The following ANKRD26 variants were observed in gnomAD, a reference collection of about 807,000 sequenced individuals.
ANKRD26 encodes the protein ankyrin repeat domain 26.
In ANKRD26, 141 loss-of-function variants were observed where a neutral mutation model predicts 208.7. The observed-to-expected ratio is 0.68, with a 90% CI of 0.59 to 0.78. The LOEUF (loss-of-function observed/expected upper bound fraction) is 0.78, where lower values mean the gene tolerates loss of function less well. Among genes scored for constraint, ANKRD26 ranks in the 30% least tolerant of loss-of-function variants. The pLI is 0.00. For synonymous variants in ANKRD26, 636 were observed against 660.4 expected (o/e 0.96, Z 0.57); for missense variants, 1,889 against 1,938.7 (o/e 0.97, Z 0.48).
intron 3 of ANKRD26, among the ~76,000 whole-genome samples, chr10:26,986,074 A>C (rs911083940): frequency 6.6e-6 from 1 of 152,200 alleles, no homozygotes; most frequent in African/African-American, 2.4e-5. Context: ...CTGGTACCAA[A>C]ACAGAGATAT....
intron 29 of ANKRD26, among the ~76,000 whole-genome samples, chr10:27,021,359 C>T (rs1467263777): frequency 6.6e-6 from 1 of 152,196 alleles, no homozygotes; most frequent in Non-Finnish European, 1.5e-5. Context: ...TCTGAAGAAA[C>T]TCCACATTGT....
chr10:26,995,195 T>C (rs1362816985), intron 4 of ANKRD26: 1 of 470,906 alleles, frequency 2.1e-6, no homozygotes, highest in East Asian at 6.9e-5. Flanking sequence ...GATATGATAA[T>C]ATTTGGAGAT....
chr10:26,996,503 C>T (rs185142702), intron 4 of ANKRD26, among the ~76,000 whole-genome samples: 7 of 152,236 alleles, frequency 4.6e-5, no homozygotes, highest in East Asian at 1.9e-4. Flanking sequence ...GAGGTTGCAG[C>T]GAGCTGAGAT....
chr10:27,013,022 G>T lies in ANKRD26; in HGVS notation c.4813C>A (p.Pro1605Thr). ...CCCACACAAGGTGGCTCCATGACTGGCCTGGTAGTGAGAGTGGTGAACAAA... is the reference window on the plus strand; with the variant it reads ...CCCACACAAGGTGGCTCCATGACTGTCCTGGTAGTGAGAGTGGTGAACAAA... Reference protein sequence around the residue: ...RSLFTTLTTRPVMEPPCVGNL... With the variant: ...RSLFTTLTTRTVMEPPCVGNL... Residue 1605 changes from proline (P) to threonine (T), a missense_variant, in exon 32 of 34, where the codon CCA (proline) becomes ACA (threonine). Physicochemically the swap from Pro to Thr is conservative, Grantham distance 38 (BLOSUM62 -1). Coordinates refer to ENST00000376087, the MANE Select transcript of ANKRD26 (RefSeq NM_014915.3). The T allele has an allele frequency of 6.2e-7, 1 of 1,614,062 alleles. No homozygotes were observed. Among genetic ancestry groups the T allele is most frequent in the Non-Finnish European group, 8.5e-7 (1 of 1,179,976 alleles).
intron 32 of ANKRD26, among the ~76,000 whole-genome samples, chr10:27,011,116 CT>C (rs999462111): frequency 4.6e-5 from 7 of 152,156 alleles, no homozygotes; most frequent in South Asian, 2.1e-4. Context: ...TGAGTCTACA[CT>C]TTTTTTCTCT....
chr10:26,961,906 G>T, the ANKRD26 span, among the ~76,000 whole-genome samples: 1 of 152,260 alleles, frequency 6.6e-6, no homozygotes, highest in Non-Finnish European at 1.5e-5. Flanking sequence ...GTGAAGAATT[G>T]CCAATATATA....
At chr10:27,056,325 C>T (rs181614989) in intron 15 of ANKRD26, among the ~76,000 whole-genome samples, 108 of 151,982 alleles carry the variant, frequency 7.1e-4, no homozygotes, top group African/African-American at 2.5e-3. Context: ...TTACAGGCGC[C>T]CGCCACCACA....
In ANKRD26 at chr10:27,004,961, T is replaced by A. The variant is rs932122092; in HGVS notation, c.*629A>T. ...TGCCCACTAAAGTAATCAGGGGTGA[T>A]GACATAATGTCAGCAATTTACTCTC... On this transcript the variant is annotated 3_prime_UTR_variant, in exon 34 of 34. Transcript: ENST00000376087. 2 of 844,930 alleles carry A rather than the reference T, an allele frequency of 2.4e-6. No homozygotes were observed. The highest frequency in any genetic ancestry group is 6.2e-5 in the Admixed American group (1 of 16,090). The allele number at this position is 844,930 out of a possible 1,614,324, so 52.3% of individuals were successfully genotyped here.
intron 4 of ANKRD26, among the ~76,000 whole-genome samples, chr10:26,995,895 C>T (rs559936736): frequency 3.3e-5 from 5 of 152,268 alleles, no homozygotes; most frequent in Non-Finnish European, 5.9e-5. Flanking sequence ...TCCTCTAAAT[C>T]GGCCTTTAAT....
chr10:27,034,786 T>G lies in ANKRD26; in HGVS notation c.3654+10A>C, dbSNP rs2053987754. 1 of 1,575,588 alleles carries G rather than the reference T, an allele frequency of 6.3e-7. No homozygotes were observed. Among genetic ancestry groups the G allele is most frequent in the African/African-American group, 1.4e-5 (1 of 73,982 alleles). ...AGGTTTGAAAAATATTTATCTTTCT[T>G]GATACTTACTTCTCTTTCTGCCTTT... On this transcript the variant is annotated intron_variant, in intron 24 of 33. Coordinates refer to ENST00000376087, the MANE Select transcript of ANKRD26 (RefSeq NM_014915.3).
chr10:26,959,342 A>C, the ANKRD26 span, among the ~76,000 whole-genome samples: 1 of 152,058 alleles, frequency 6.6e-6, no homozygotes, highest in East Asian at 1.9e-4. Flanking sequence ...ACGTAGTGAA[A>C]GTGGAGGTTA....
In ANKRD26 at chr10:27,040,250, T is replaced by C. The variant is rs956614737; in HGVS notation, c.2162-72A>G. 38 of 1,115,446 alleles carry C rather than the reference T, an allele frequency of 3.4e-5. No homozygotes were observed. The East Asian group carries it at 8.9e-4, about 26-fold the overall frequency. 69.1% of individuals were successfully genotyped at this position (1,115,446 alleles called of 1,614,324 possible). On this transcript the variant is annotated intron_variant, in intron 20 of 33. Coordinates refer to ENST00000376087, the MANE Select transcript of ANKRD26 (RefSeq NM_014915.3). ...TATAACACACTGTGCACTATAACATTCACTCATTAAGACACTGACCAATTA... is the reference window on the plus strand; with the variant it reads ...TATAACACACTGTGCACTATAACATCCACTCATTAAGACACTGACCAATTA...
chr10:26,975,719 A>T (rs2052217026), exon 6 of ANKRD26, among the ~76,000 whole-genome samples: 1 of 152,034 alleles, frequency 6.6e-6, no homozygotes, highest in African/African-American at 2.4e-5. Context: ...CAGACACCTC[A>T]TAATTGCAGC....
intron 6 of ANKRD26, among the ~76,000 whole-genome samples, chr10:27,081,862 T>C (rs565430435): frequency 1.4e-4 from 22 of 152,028 alleles, no homozygotes; most frequent in Admixed American, 3.3e-4. Flanking sequence ...CTCAGCCTCC[T>C]GAGTACTGGG....
chr10:26,965,873 A>T, the ANKRD26 span, among the ~76,000 whole-genome samples: 1 of 152,202 alleles, frequency 6.6e-6, no homozygotes, highest in Non-Finnish European at 1.5e-5. Context: ...CAAGAAACAT[A>T]TGAAAAAAAA....
chr10:27,075,422 C>G lies in ANKRD26; in HGVS notation c.1077+1916G>C, dbSNP rs1040095845. 2.0e-5 allele frequency among the ~76,000 whole-genome samples: 3 copies of G among 152,154 alleles called. No individual in the cohort carries two copies. In the South Asian group the frequency reaches 6.2e-4, roughly 32 times the overall value. On this transcript the variant is annotated intron_variant, in intron 9 of 33. Transcript: ENST00000376087. ...AAAGATATTTCACACAAAGAGAAAC[C>G]AAAAGTGAGCAGGAGTAGCTATTCC...
chr10:27,002,790 T>C (rs537824817), downstream of ANKRD26, among the ~76,000 whole-genome samples: 36 of 152,374 alleles, frequency 2.4e-4, no homozygotes, highest in South Asian at 1.4e-3. Context: ...TTCAAATAGC[T>C]GCATGATGGC....
chr10:27,062,978 G>A (rs918542341), intron 12 of ANKRD26, among the ~76,000 whole-genome samples: 1 of 152,086 alleles, frequency 6.6e-6, no homozygotes, highest in Admixed American at 6.6e-5. Flanking sequence ...ATGTTGGCCA[G>A]GCTGATCTCG....
At position 27,042,798 on chromosome 10, in the gene ANKRD26, CAAAAA is replaced by C. The variant is rs60850386; in HGVS notation, c.2161+623_2161+627del. Among the ~76,000 whole-genome samples, 781 of 48,952 alleles carry C rather than the reference CAAAAA, an allele frequency of 0.016. 28 individuals are homozygous for C. In the East Asian group the frequency reaches 0.22, roughly 14 times the overall value. The allele number at this position is 48,952 out of a possible 152,430, so 32.1% of individuals were successfully genotyped here. A position where few individuals can be genotyped will look rare whatever the true frequency, so the allele number is the denominator to read the frequency against. The stretch of plus-strand genomic sequence containing the variant: ...AACACAAAAAACAAACAAAAAAATA[CAAAAA>C]AAAAAAAAAAAAAAAAGCTGGGTGT... On this transcript the variant is annotated intron_variant, in intron 20 of 33. Transcript: ENST00000376087.
Sources: gnomAD v4.1 joint callset for allele counts (sites outside exome capture counted in the v4.1 genomes callset) on GRCh38, gnomAD v4.1.1 for gene constraint, MANE v1.5 for transcripts, NCBI Gene and HGNC (gene_info 2026-07-23, HGNC 2026-07-21) for gene names.